CNTNAP2: variants seen among roughly 807,000 people sequenced by gnomAD.
The protein encoded by CNTNAP2 is contactin associated protein 2, also known as contactin-associated protein-like 2.
A neutral mutation model predicts 155.2 loss-of-function variants in CNTNAP2; 98 were observed. That is an observed-to-expected ratio of 0.63 (90% CI 0.54 to 0.75). CNTNAP2 has a LOEUF of 0.75. Ranked by LOEUF, CNTNAP2 falls within the 30% of genes least tolerant of loss-of-function variation. The pLI, the probability that CNTNAP2 is intolerant of heterozygous loss-of-function variation, is 0.00. For synonymous variants in CNTNAP2, 651 were observed against 631.2 expected, an observed-to-expected ratio of 1.03 and a Z score of -0.47; for missense variants, 1,727 against 1,688.1, an observed-to-expected ratio of 1.02 and a Z score of -0.40.
intron 1 of CNTNAP2, among the ~76,000 whole-genome samples, chr7:146,512,246 T>C (rs933426576): frequency 2.6e-4 from 40 of 151,908 alleles, no homozygotes; most frequent in African/African-American, 9.2e-4. Context: ...CAACTTTTCA[T>C]TTTGTTGATC....
chr7:146,712,391 A>AGTATACATATCTTATT (rs1293782028), intron 1 of CNTNAP2, among the ~76,000 whole-genome samples: 2 of 132,166 alleles, frequency 1.5e-5, no homozygotes, highest in Admixed American at 7.7e-5. Context: ...TATACTATAT[A>AGTATACATATCTTATT]TATAAATAAA....
At chr7:146,386,417 C>T (rs947964030) in intron 1 of CNTNAP2, among the ~76,000 whole-genome samples, 1 of 152,178 alleles carries the variant, frequency 6.6e-6, no homozygotes, top group African/African-American at 2.4e-5. Flanking sequence ...GAAACAGAGT[C>T]TAGCTCTGTC....
At chr7:146,480,667 T>TAC (rs1796945218) in intron 1 of CNTNAP2, among the ~76,000 whole-genome samples, 1 of 140,028 alleles carries the variant, frequency 7.1e-6, no homozygotes, top group African/African-American at 2.8e-5. Context: ...CTATAAAATA[T>TAC]ATATATATTT....
intron 21 of CNTNAP2, among the ~76,000 whole-genome samples, chr7:148,359,246 A>G (rs1024027700): frequency 2.6e-5 from 4 of 152,200 alleles, no homozygotes; most frequent in Non-Finnish European, 5.9e-5. Flanking sequence ...TGACGTTCCC[A>G]CAATAACAAA....
chr7:147,946,017 G>T (rs1351178879), intron 14 of CNTNAP2, among the ~76,000 whole-genome samples: 8 of 151,562 alleles, frequency 5.3e-5, no homozygotes, highest in Non-Finnish European at 1.2e-4. Flanking sequence ...ACAGATGCGC[G>T]CCACCATGCT....
chr7:146,849,945 C>A (rs1001577012), intron 3 of CNTNAP2, among the ~76,000 whole-genome samples: 15 of 152,110 alleles, frequency 9.9e-5, no homozygotes, highest in African/African-American at 3.6e-4. Flanking sequence ...GATGCTTATG[C>A]CCCTGGACAC....
chr7:146,830,586 AGG>A (rs1438513488), intron 2 of CNTNAP2, among the ~76,000 whole-genome samples: 2 of 152,174 alleles, frequency 1.3e-5, no homozygotes, highest in Non-Finnish European at 2.9e-5. Flanking sequence ...TCATAAAGTA[AGG>A]TTACATAATT....
At chr7:146,522,058 T>C (rs376713698) in intron 1 of CNTNAP2, among the ~76,000 whole-genome samples, 1 of 141,014 alleles carries the variant, frequency 7.1e-6, no homozygotes, top group African/African-American at 2.5e-5. Context: ...ATACTCCCTG[T>C]TTTTTTCTAA....
chr7:147,981,150 A>G (rs970216625), intron 15 of CNTNAP2, among the ~76,000 whole-genome samples: 2 of 152,244 alleles, frequency 1.3e-5, no homozygotes, highest in African/African-American at 4.8e-5. Flanking sequence ...ATTTCTGAGC[A>G]TACTTTCAGC....
At chr7:147,836,887 A>G (rs1210286928) in intron 13 of CNTNAP2, among the ~76,000 whole-genome samples, 1 of 152,256 alleles carries the variant, frequency 6.6e-6, no homozygotes, top group Non-Finnish European at 1.5e-5. Context: ...TAATTTGAAA[A>G]TTAACTTATT....
At chr7:147,373,416 G>T (rs1029425476) in intron 9 of CNTNAP2, among the ~76,000 whole-genome samples, 1 of 151,864 alleles carries the variant, frequency 6.6e-6, no homozygotes. Context: ...TTTTAGGTAG[G>T]TGCACAAATA....
At chr7:146,922,674 G>C (rs983571486) in intron 3 of CNTNAP2, among the ~76,000 whole-genome samples, 1 of 152,118 alleles carries the variant, frequency 6.6e-6, no homozygotes, top group Non-Finnish European at 1.5e-5. Flanking sequence ...TTAGCTCTGC[G>C]ATTGTAAAAA....
At chr7:148,206,641 T>C (rs1253193416) in intron 18 of CNTNAP2, among the ~76,000 whole-genome samples, 7 of 152,190 alleles carry the variant, frequency 4.6e-5, no homozygotes. Flanking sequence ...TAGACTAATC[T>C]GAGAAAATGC....
intron 8 of CNTNAP2, among the ~76,000 whole-genome samples, chr7:147,295,472 C>T (rs1805420510): frequency 6.6e-6 from 1 of 152,134 alleles, no homozygotes; most frequent in Non-Finnish European, 1.5e-5. Context: ...GATTGGTAGA[C>T]TCAGTCCTTC....
At chr7:146,856,297 GATACATACATACATACATAC>G (rs71165043) in intron 3 of CNTNAP2, among the ~76,000 whole-genome samples, 4 of 116,652 alleles carry the variant, frequency 3.4e-5, no homozygotes, top group African/African-American at 1.3e-4. Context: ...TAGATAGATA[GATACATACATACATACATAC>G]ATACATACAT....
intron 14 of CNTNAP2, among the ~76,000 whole-genome samples, chr7:147,938,796 AT>A (rs892459539): frequency 6.6e-6 from 1 of 152,064 alleles, no homozygotes; most frequent in Non-Finnish European, 1.5e-5. Flanking sequence ...ACCTGAGGCT[AT>A]TGTATTTTTC....
chr7:148,030,344 T>C (rs1160697553), intron 15 of CNTNAP2, among the ~76,000 whole-genome samples: 3 of 152,204 alleles, frequency 2.0e-5, no homozygotes, highest in Non-Finnish European at 4.4e-5. Context: ...TGGAATTTAA[T>C]TAAAAGAAAG....
chr7:147,973,422 T>C (rs959004474), intron 14 of CNTNAP2, among the ~76,000 whole-genome samples: 1 of 152,148 alleles, frequency 6.6e-6, no homozygotes, highest in African/African-American at 2.4e-5. Context: ...TTCCCTCTTT[T>C]GTTGATTGGG....
At chr7:147,812,685 C>T (rs960951775) in intron 13 of CNTNAP2, among the ~76,000 whole-genome samples, 4 of 152,144 alleles carry the variant, frequency 2.6e-5, no homozygotes, top group South Asian at 2.1e-4. Flanking sequence ...CAGAGAGGCG[C>T]TCCTCAGAGA....
Sources: gnomAD v4.1 joint callset for allele counts (sites outside exome capture counted in the v4.1 genomes callset) on GRCh38, gnomAD v4.1.1 for gene constraint, MANE v1.5 for transcripts, NCBI Gene and HGNC (gene_info 2026-07-23, HGNC 2026-07-21) for gene names.